The following UGT3A2 variants were observed in gnomAD, a reference collection of about 807,000 sequenced individuals.
The protein encoded by UGT3A2 is UDP-glycosyltransferase 3A2.
In UGT3A2, 32 loss-of-function variants were observed where a neutral mutation model predicts 39.8. That is an observed-to-expected ratio of 0.80 (90% CI 0.61 to 1.08). UGT3A2 has a LOEUF of 1.08. Among genes scored for constraint, UGT3A2 ranks in the 50% least tolerant of loss-of-function variants. The pLI is 0.00. For synonymous variants in UGT3A2, 241 were observed against 230.7 expected (o/e 1.04, Z -0.40); for missense variants, 611 against 637.1 (o/e 0.96, Z 0.44).
intron 2 of UGT3A2, among the ~76,000 whole-genome samples, chr5:36,059,906 G>A (rs1742633699): frequency 6.6e-6 from 1 of 152,300 alleles, no homozygotes; most frequent in South Asian, 2.1e-4. Context: ...CTCTCAAGGT[G>A]TGTGCGACCA....
chr5:36,040,064 G>A (rs1041356726), intron 4 of UGT3A2, among the ~76,000 whole-genome samples: 2 of 152,154 alleles, frequency 1.3e-5, no homozygotes, highest in African/African-American at 4.8e-5. Flanking sequence ...GACTTCTGGA[G>A]GCTGGAATGG....
Position 36,039,712 on chromosome 5 carries a change from G to A in UGT3A2, c.844-4C>T. 1 of 1,613,820 alleles carries A rather than the reference G, an allele frequency of 6.2e-7. No individual in the cohort carries two copies. Among genetic ancestry groups the A allele is most frequent in the Non-Finnish European group, 8.5e-7 (1 of 1,179,778 alleles). On this transcript the variant is annotated splice_region_variant and splice_polypyrimidine_tract_variant and intron_variant, in intron 4 of 6. Transcript: ENST00000282507. ...TGGCAATGAAGTTCTCCAAGTCCTG[G>A]AGAAAGATTACCAAGGTAAAGAGGT...
At chr5:36,060,819 G>C (rs1270067160) in intron 2 of UGT3A2, among the ~76,000 whole-genome samples, 1 of 152,066 alleles carries the variant, frequency 6.6e-6, no homozygotes, top group Non-Finnish European at 1.5e-5. Context: ...TTTCAGAGAT[G>C]GTCCTACAAC....
At chr5:36,041,626 C>A (rs1482456223) in intron 4 of UGT3A2, among the ~76,000 whole-genome samples, 1 of 152,150 alleles carries the variant, frequency 6.6e-6, no homozygotes, top group East Asian at 1.9e-4. Flanking sequence ...CTGGCTCTTA[C>A]CTAAGACCAC....
At position 36,042,431 on chromosome 5, in the gene UGT3A2, G is replaced by GA. The variant is rs559608548; in HGVS notation, c.844-2724dup. 1.3e-4 allele frequency among the ~76,000 whole-genome samples: 20 copies of GA among 151,912 alleles called. 1 individual carries two copies. The South Asian group carries it at 2.9e-3, about 22-fold the overall frequency. On this transcript the variant is annotated intron_variant, in intron 4 of 6. Coordinates refer to ENST00000282507, the MANE Select transcript of UGT3A2 (RefSeq NM_174914.4). Reference sequence around the variant, plus strand: ...CAAGAAATTAAAACATACCACCAGAGAAAATCATTTTCACTAAAAGGAAGA... The same window carrying GA: ...CAAGAAATTAAAACATACCACCAGAGAAAAATCATTTTCACTAAAAGGAAGA...
intron 6 of UGT3A2, 82 bp downstream of exon 6, chr5:36,037,715 C>T: frequency 6.7e-7 from 1 of 1,489,780 alleles, no homozygotes; most frequent in Non-Finnish European, 9.2e-7. Flanking sequence ...CAAAACAAAA[C>T]CAAAAAAACA....
chr5:36,055,131 C>A (rs1177147411), intron 2 of UGT3A2, among the ~76,000 whole-genome samples: 1 of 151,620 alleles, frequency 6.6e-6, no homozygotes, highest in Non-Finnish European at 1.5e-5. Context: ...AAGAGCAAGA[C>A]TTCATCTCAA....
In UGT3A2 at chr5:36,035,678, C is replaced by G; in HGVS notation, c.*20G>C. 1.9e-6 allele frequency: 3 copies of G among 1,610,954 alleles called. No individual in the cohort carries two copies. Among genetic ancestry groups the G allele is most frequent in the Non-Finnish European group, 2.5e-6 (3 of 1,177,748 alleles). The stretch of plus-strand genomic sequence containing the variant: ...GTGACATCGCCCACCAAACAGACCC[C>G]GCCAAGGCTGCACCTGGCCTTATGT... On this transcript the variant is annotated 3_prime_UTR_variant, in exon 7 of 7. Coordinates refer to ENST00000282507, the MANE Select transcript of UGT3A2 (RefSeq NM_174914.4).
intron 4 of UGT3A2, among the ~76,000 whole-genome samples, chr5:36,044,244 A>G (rs538225946): frequency 7.9e-5 from 12 of 152,278 alleles, no homozygotes; most frequent in African/African-American, 2.9e-4. Context: ...AAACCATATG[A>G]TCATGTCAAT....
Position 36,037,876 on chromosome 5 carries a change from AC to A in UGT3A2, c.1215del (p.Lys405AsnfsTer8). The A allele has an allele frequency of 6.2e-7, 1 of 1,613,788 alleles. No homozygotes were observed. The highest frequency in any genetic ancestry group is 8.5e-7 in the Non-Finnish European group (1 of 1,179,950). The stretch of plus-strand genomic sequence containing the variant: ...TTCTTTAACTGAATAGAAACACCAA[AC>A]TTTTTGGCTTCTACTCGGACCATGT... ...PENMVRVEAKKFGVSIQLKKL... is the reference protein window; with the variant it reads ...PENMVRVEAKXFGVSIQLKKL... On this transcript the variant is annotated frameshift_variant, in exon 6 of 7. Transcript: ENST00000282507. LOFTEE classifies it high-confidence loss of function.
chr5:36,064,115 A>G, intron 2 of UGT3A2, 134 bp downstream of exon 2: 1 of 684,086 alleles, frequency 1.5e-6, no homozygotes, highest in Non-Finnish European at 2.3e-6. Context: ...CACTTTACAT[A>G]CACACACACA....
At chr5:36,060,226 G>A (rs1306645080) in intron 2 of UGT3A2, among the ~76,000 whole-genome samples, 1 of 152,240 alleles carries the variant, frequency 6.6e-6, no homozygotes, top group Non-Finnish European at 1.5e-5. Context: ...GCCAGTAATT[G>A]CCTTTCTCAA....
chr5:36,050,374 G>A (rs540066173), intron 3 of UGT3A2, among the ~76,000 whole-genome samples: 1 of 152,132 alleles, frequency 6.6e-6, no homozygotes, highest in African/African-American at 2.4e-5. Flanking sequence ...AAGTGCAAGA[G>A]CTCTAGATAT....
At chr5:36,042,399 TA>T (rs1742038347) in intron 4 of UGT3A2, among the ~76,000 whole-genome samples, 1 of 151,914 alleles carries the variant, frequency 6.6e-6, no homozygotes. Context: ...ACACAAAAAA[TA>T]AAATTCAAGA....
rs1741803449 is a variant in UGT3A2 at position 36,035,832 on chromosome 5, AGG to A, written c.1436_1437del (p.Pro479LeufsTer3). 6.2e-7 allele frequency: 1 copy of A among 1,614,184 alleles called. No individual in the cohort carries two copies. Among genetic ancestry groups the A allele is most frequent in the East Asian group, 2.2e-5 (1 of 44,862 alleles). On this transcript the variant is annotated frameshift_variant, in exon 7 of 7. Coordinates refer to ENST00000282507, the MANE Select transcript of UGT3A2 (RefSeq NM_174914.4). LOFTEE classifies it low-confidence loss of function (END_TRUNC). Reference protein sequence around the residue: ...THLKPYVFQQPWHEQYLLDVF... With the variant: ...THLKPYVFQQXWHEQYLLDVF... ...ACGTCGAGCAGGTACTGCTCATGCC[AGG>A]GCTGCTGAAAGACATAGGGCTTGAG...
chr5:36,039,414 A>G, intron 5 of UGT3A2, 63 bp downstream of exon 5: 1 of 1,496,804 alleles, frequency 6.7e-7, no homozygotes, highest in Non-Finnish European at 9.3e-7. Context: ...TAAAGGTCAG[A>G]GCCGTGATGA....
At position 36,037,780 on chromosome 5, in the gene UGT3A2, C is replaced by T; in HGVS notation, c.1295+17G>A. The T allele has an allele frequency of 1.2e-6, 2 of 1,613,942 alleles. No homozygotes were observed. Among genetic ancestry groups the T allele is most frequent in the South Asian group, 1.1e-5 (1 of 91,048 alleles). ...CTTCATTCGTCATTATGACCACAAC[C>T]CCAAGGAGCTGCATACCTCTTGTCT... On this transcript the variant is annotated intron_variant, in intron 6 of 6. Coordinates refer to ENST00000282507, the MANE Select transcript of UGT3A2 (RefSeq NM_174914.4).
chr5:36,063,623 A>G (rs1742786163), intron 2 of UGT3A2, among the ~76,000 whole-genome samples: 2 of 152,154 alleles, frequency 1.3e-5, no homozygotes, highest in Admixed American at 6.5e-5. Flanking sequence ...AAGGCTGAAT[A>G]TTTCTGTTCT....
At chr5:36,041,125 G>A (rs1741993429) in intron 4 of UGT3A2, among the ~76,000 whole-genome samples, 1 of 151,614 alleles carries the variant, frequency 6.6e-6, no homozygotes, top group Non-Finnish European at 1.5e-5. Context: ...AAAGCCCTCG[G>A]GCCTAAAATA....
Sources: allele counts gnomAD v4.1 joint callset (sites outside exome capture counted in the v4.1 genomes callset), GRCh38; gene constraint gnomAD v4.1.1; transcripts MANE v1.5; gene names NCBI Gene and HGNC (gene_info 2026-07-23, HGNC 2026-07-21).